GOSR1: variants seen among roughly 807,000 people sequenced by gnomAD.
The protein encoded by GOSR1 is 28 kDa Golgi SNARE protein.
In GOSR1, 21 loss-of-function variants were observed where a neutral mutation model predicts 35.5. The ratio of observed to expected loss-of-function variants is 0.59; its 90% CI spans 0.42 to 0.85. The LOEUF (loss-of-function observed/expected upper bound fraction) is 0.85. Ranked by LOEUF, GOSR1 falls within the 40% of genes least tolerant of loss-of-function variation. The probability of loss-of-function intolerance (pLI) is 0.00; values close to 1 mark genes in which losing one functional copy is unlikely to be tolerated. For missense variants in GOSR1, 285 were observed against 309.6 expected (o/e 0.92, Z 0.60); for synonymous variants, 94 against 106.6 (o/e 0.88, Z 0.73).
chr17:30,485,329 C>T (rs955848977), intron 4 of GOSR1, among the ~76,000 whole-genome samples: 1 of 150,490 alleles, frequency 6.6e-6, no homozygotes, highest in African/African-American at 2.5e-5. Flanking sequence ...TGCAGTAGTA[C>T]AGTCACAGCT....
Position 30,484,703 on chromosome 17 carries a change from G to A in GOSR1, c.275G>A (p.Ser92Asn). Residue 92 changes from serine (S) to asparagine (N), a missense_variant, in exon 4 of 9, where the codon AGT (serine) becomes AAT (asparagine). Physicochemically the swap from Ser to Asn is conservative, Grantham distance 46. Coordinates refer to ENST00000451249, the MANE Select transcript of GOSR1 (RefSeq NM_001007025.2). ...VNDKMAEYTN[S>N]AGVPSLNAAL... ...GATAAAATGGCAGAATATACCAACA[G>A]TGCAGGTGTCCCCTCCTTGAATGCA... The A allele has an allele frequency of 6.3e-7, 1 of 1,593,056 alleles. No homozygotes were observed. Among genetic ancestry groups the A allele is most frequent in the Non-Finnish European group, 8.6e-7 (1 of 1,164,804 alleles).
intron 7 of GOSR1, among the ~76,000 whole-genome samples, chr17:30,512,066 C>T (rs1030583886): frequency 1.3e-5 from 2 of 152,228 alleles, no homozygotes; most frequent in Non-Finnish European, 2.9e-5. Context: ...ATTTAAACCA[C>T]TGCTATATTT....
chr17:30,498,308 G>A (rs1313781071), intron 6 of GOSR1, among the ~76,000 whole-genome samples: 1 of 152,068 alleles, frequency 6.6e-6, no homozygotes, highest in Non-Finnish European at 1.5e-5. Context: ...GTATTGTGCT[G>A]GGTGCTGGAG....
intron 7 of GOSR1, among the ~76,000 whole-genome samples, chr17:30,517,975 T>C (rs1212111863): frequency 6.6e-6 from 1 of 152,182 alleles, no homozygotes; most frequent in African/African-American, 2.4e-5. Context: ...TATCAGGCAG[T>C]GATGCATCCA....
chr17:30,482,048 C>T (rs1914391500), intron 2 of GOSR1, among the ~76,000 whole-genome samples: 1 of 152,008 alleles, frequency 6.6e-6, no homozygotes, highest in African/African-American at 2.4e-5. Context: ...ACCCCCATGA[C>T]CCTATCTCCC....
intron 7 of GOSR1, among the ~76,000 whole-genome samples, 153 bp downstream of exon 7, chr17:30,511,062 A>G (rs1218851130): frequency 2.0e-5 from 3 of 152,184 alleles, no homozygotes; most frequent in Non-Finnish European, 4.4e-5. Context: ...AATTTTTACT[A>G]TGTCCTTTCC....
intron 6 of GOSR1, among the ~76,000 whole-genome samples, chr17:30,494,515 C>T (rs971852750): frequency 2.6e-5 from 4 of 152,082 alleles, no homozygotes; most frequent in African/African-American, 9.7e-5. Flanking sequence ...TGTTCTTTTT[C>T]ACTACTCCCT....
intron 6 of GOSR1, among the ~76,000 whole-genome samples, chr17:30,501,798 A>C (rs1270642834): frequency 1.3e-5 from 2 of 151,482 alleles, no homozygotes; most frequent in Non-Finnish European, 2.9e-5. Context: ...CGAGCCTGGC[A>C]GTTTTCTTAA....
chr17:30,490,775 G>GT (rs969407575), intron 5 of GOSR1, among the ~76,000 whole-genome samples: 2 of 151,946 alleles, frequency 1.3e-5, no homozygotes, highest in African/African-American at 4.8e-5. Flanking sequence ...TTAAATATTT[G>GT]TTTTTTTCTT....
chr17:30,505,868 A>G (rs1967384151), intron 6 of GOSR1, among the ~76,000 whole-genome samples: 1 of 152,196 alleles, frequency 6.6e-6, no homozygotes, highest in African/African-American at 2.4e-5. Flanking sequence ...AGATGGGACT[A>G]CAGGTGCACA....
intron 7 of GOSR1, among the ~76,000 whole-genome samples, chr17:30,516,491 A>G (rs1157971428): frequency 2.0e-5 from 3 of 151,308 alleles, no homozygotes; most frequent in Non-Finnish European, 4.4e-5. Context: ...AAGAAAAAGA[A>G]AAAGTCAGTC....
At chr17:30,512,318 A>G (rs1431270090) in intron 7 of GOSR1, among the ~76,000 whole-genome samples, 3 of 152,232 alleles carry the variant, frequency 2.0e-5, no homozygotes, top group African/African-American at 7.2e-5. Flanking sequence ...TATTATTAAT[A>G]CCAATCCTTT....
In GOSR1 at chr17:30,523,077, C is replaced by T. The variant is rs959134686; in HGVS notation, c.*699C>T. On this transcript the variant is annotated 3_prime_UTR_variant, in exon 9 of 9. Coordinates refer to ENST00000451249, the MANE Select transcript of GOSR1 (RefSeq NM_001007025.2). ...GGAGTGCAGTGGCGTGATCTCGGCT[C>T]ACTACAACCTCCACCTCCCAGCCAC... is the stretch of plus-strand genomic sequence containing the variant. 26 of 176,810 alleles carry T rather than the reference C, an allele frequency of 1.5e-4. No individual in the cohort carries two copies. Among genetic ancestry groups the T allele is most frequent in the Admixed American group, 1.4e-3 (22 of 15,660 alleles). The allele number at this position is 176,810 out of a possible 1,614,324, so 11.0% of individuals were successfully genotyped here. A position where few individuals can be genotyped will look rare whatever the true frequency, so the allele number is the denominator to read the frequency against.
chr17:30,515,148 C>A (rs1293159929), intron 7 of GOSR1, among the ~76,000 whole-genome samples: 1 of 152,180 alleles, frequency 6.6e-6, no homozygotes, highest in African/African-American at 2.4e-5. Flanking sequence ...GGATGAGCTT[C>A]CAGTCACTCA....
At chr17:30,513,908 GC>G (rs1967703636) in intron 7 of GOSR1, among the ~76,000 whole-genome samples, 1 of 152,188 alleles carries the variant, frequency 6.6e-6, no homozygotes, top group Non-Finnish European at 1.5e-5. Flanking sequence ...TGCTACTGCA[GC>G]CGTGCCTGCA....
intron 3 of GOSR1, 115 bp from the exon 4 acceptor site, chr17:30,484,545 GTTT>G: frequency 1.6e-6 from 1 of 615,318 alleles, no homozygotes; most frequent in South Asian, 2.1e-5. Context: ...TTTTTGTTTT[GTTT>G]TGTTTTGTTT....
chr17:30,526,783 GTAATT>G lies in GOSR1; in HGVS notation c.*4410_*4414del, dbSNP rs989462202. On this transcript the variant is annotated 3_prime_UTR_variant, in exon 9 of 9. Coordinates refer to ENST00000451249, the MANE Select transcript of GOSR1 (RefSeq NM_001007025.2). The stretch of plus-strand genomic sequence containing the variant: ...GACTGTATAGAAGAAGCTTTGGTAT[GTAATT>G]TAATAATAAATTAGAAATCTAAATG... The G allele has an allele frequency of 6.6e-6, 1 of 152,552 alleles. No individual in the cohort carries two copies. Among genetic ancestry groups the G allele is most frequent in the Admixed American group, 6.6e-5 (1 of 15,260 alleles). 9.4% of individuals were successfully genotyped at this position (152,552 alleles called of 1,614,324 possible).
chr17:30,507,240 T>G (rs1967432818), intron 6 of GOSR1, among the ~76,000 whole-genome samples: 1 of 152,222 alleles, frequency 6.6e-6, no homozygotes, highest in Admixed American at 6.5e-5. Context: ...GAAAGCCTTC[T>G]GGAAAGGAGT....
At chr17:30,520,921 T>C (rs1968005832) in intron 8 of GOSR1, among the ~76,000 whole-genome samples, 1 of 152,252 alleles carries the variant, frequency 6.6e-6, no homozygotes, top group South Asian at 2.1e-4. Flanking sequence ...TACAGAGTGC[T>C]GTTATATACA....
Sources: gnomAD v4.1 joint callset for allele counts (sites outside exome capture counted in the v4.1 genomes callset) on GRCh38, gnomAD v4.1.1 for gene constraint, MANE v1.5 for transcripts, NCBI Gene and HGNC (gene_info 2026-07-23, HGNC 2026-07-21) for gene names.